PRH1: variants seen among roughly 807,000 people sequenced by gnomAD.
PRH1 encodes proline rich protein HaeIII subfamily 1, also known as salivary acidic proline-rich phosphoprotein 1/2.
Under a neutral mutation model 7.9 loss-of-function variants are expected in PRH1, and 7 were observed. The ratio of observed to expected loss-of-function variants is 0.89; its 90% CI spans 0.50 to 1.67. The LOEUF (loss-of-function observed/expected upper bound fraction) is 1.67, where lower values mean the gene tolerates loss of function less well. Among genes scored for constraint, PRH1 ranks in the 40% most tolerant of loss-of-function variants. PRH1 has a pLI of 0.00. For missense variants in PRH1, 109 were observed against 223.6 expected (o/e 0.49, Z 3.27); for synonymous variants, 45 against 80.8 (o/e 0.56, Z 2.38).
chr12:11,156,162 A>G (rs1384753656), intron 1 of PRH1, among the ~76,000 whole-genome samples: 2 of 152,086 alleles, frequency 1.3e-5, no homozygotes, highest in African/African-American at 4.8e-5. Context: ...AATGTCTGCT[A>G]CTCCTTTGAA....
chr12:11,067,402 T>C (rs1206459193), intron 1 of PRH1, among the ~76,000 whole-genome samples: 2 of 151,976 alleles, frequency 1.3e-5, no homozygotes, highest in East Asian at 3.9e-4. Context: ...TTCATGACTT[T>C]GTGACACTTT....
exon 2 of PRH1, chr12:11,121,111 C>T (rs2708338): frequency 5.2e-5 from 8 of 152,922 alleles, no homozygotes; most frequent in African/African-American, 1.9e-4. Flanking sequence ...AGAAGAAGTT[C>T]CAAGGTTTAT....
At chr12:11,067,771 G>C (rs1943889927) in intron 1 of PRH1, among the ~76,000 whole-genome samples, 1 of 152,182 alleles carries the variant, frequency 6.6e-6, no homozygotes, top group African/African-American at 2.4e-5. Flanking sequence ...GCTGAGATGG[G>C]AGAATTACTT....
rs146714419 is a variant in PRH1, at chr12:10,913,926, G to A, written c.-58-29651C>T. ...AACAAACAACAAAAACTTCTCCTACGTGGAGTCCCTGAGCTTTGGGGATCT... is the reference window on the plus strand; with the variant it reads ...AACAAACAACAAAAACTTCTCCTACATGGAGTCCCTGAGCTTTGGGGATCT... On this transcript the variant is annotated intron_variant, in intron 2 of 3. Coordinates refer to the PRH1 transcript ENST00000539853. Among the ~76,000 whole-genome samples the A allele has an allele frequency of 5.5e-3, 836 of 152,274 alleles. 15 individuals are homozygous for A. Among genetic ancestry groups the A allele is most frequent in the African/African-American group, 0.019 (794 of 41,548 alleles).
intron 1 of PRH1, among the ~76,000 whole-genome samples, chr12:11,137,333 A>G (rs1485094843): frequency 5.9e-5 from 9 of 152,220 alleles, no homozygotes; most frequent in Non-Finnish European, 1.2e-4. Context: ...TTTTATTCCC[A>G]TGGAAACAAA....
chr12:11,020,746 T>C (rs1249463927), intron 1 of PRH1, among the ~76,000 whole-genome samples: 9 of 131,720 alleles, frequency 6.8e-5, no homozygotes, highest in East Asian at 4.7e-4. Context: ...CCTCCTTTGA[T>C]TGGCCTGTTT....
At chr12:10,909,218 T>C in intron 2 of PRH1, 1 of 1,613,642 alleles carries the variant, frequency 6.2e-7, no homozygotes, top group Middle Eastern at 1.7e-4. Flanking sequence ...TGATCAGTAC[T>C]ATAAATCCAT....
rs576182140 is a variant in PRH1, at chr12:11,142,675, G to C, written n.40-21495C>G. Among the ~76,000 whole-genome samples, 57 of 152,186 alleles carry C rather than the reference G, an allele frequency of 3.7e-4. 1 individual carries two copies. Among genetic ancestry groups the C allele is most frequent in the African/African-American group, 1.3e-3 (54 of 41,532 alleles). ...GAATTTAATAATCAATTTCCCTAAG[G>C]TCAAGGATAAAGAAAGGATTCTAAA... On this transcript the variant is annotated intron_variant and non_coding_transcript_variant, in intron 1 of 1. Transcript: ENST00000541175.
At position 11,168,287 on chromosome 12, in the gene PRH1, AGAAAGAAAGAAAGAAGGAAG is replaced by A. The variant is rs1565725814; in HGVS notation, n.39+3115_39+3134del. ...AAGAAAGAAAGAAAGAAAGAAAGAA[AGAAAGAAAGAAAGAAGGAAG>A]GAAGGAAGGAAGGAAGGAAGGAAGG... On this transcript the variant is annotated intron_variant and non_coding_transcript_variant, in intron 1 of 1. Coordinates refer to the PRH1 transcript ENST00000541175. Among the ~76,000 whole-genome samples, 109 of 30,524 alleles carry A rather than the reference AGAAAGAAAGAAAGAAGGAAG, an allele frequency of 3.6e-3. 28 individuals are homozygous for A. Among genetic ancestry groups the A allele is most frequent in the South Asian group, 7.2e-3 (9 of 1,250 alleles). 20.0% of individuals were successfully genotyped at this position (30,524 alleles called of 152,430 possible).
At chr12:11,098,676 C>A (rs1446554528) in intron 1 of PRH1, among the ~76,000 whole-genome samples, 2 of 152,148 alleles carry the variant, frequency 1.3e-5, no homozygotes, top group South Asian at 2.1e-4. Flanking sequence ...TTTTAAAATG[C>A]CAGATTTGTA....
chr12:10,995,954 CTAGA>C (rs1285615686), intron 1 of PRH1, among the ~76,000 whole-genome samples: 1 of 151,928 alleles, frequency 6.6e-6, no homozygotes, highest in Non-Finnish European at 1.5e-5. Context: ...AAAATGTACA[CTAGA>C]TATATTTTTC....
chr12:11,140,630 C>T (rs1361837028), intron 1 of PRH1, among the ~76,000 whole-genome samples: 1 of 152,162 alleles, frequency 6.6e-6, no homozygotes, highest in African/African-American at 2.4e-5. Flanking sequence ...TATTCAAACA[C>T]AACATCCTTG....
intron 1 of PRH1, among the ~76,000 whole-genome samples, chr12:11,001,579 A>C (rs1940599498): frequency 1.3e-5 from 2 of 152,196 alleles, no homozygotes; most frequent in South Asian, 4.1e-4. Context: ...TCTGAAGCAA[A>C]GTGTGCTTGT....
chr12:10,984,789 C>T (rs548246997), intron 1 of PRH1, among the ~76,000 whole-genome samples: 2 of 151,926 alleles, frequency 1.3e-5, no homozygotes, highest in East Asian at 3.9e-4. Flanking sequence ...CTTGCTATTA[C>T]TGAATATATC....
At chr12:10,919,444 T>G (rs535755440) in intron 2 of PRH1, among the ~76,000 whole-genome samples, 57 of 152,310 alleles carry the variant, frequency 3.7e-4, no homozygotes, top group Non-Finnish European at 6.0e-4. Flanking sequence ...TATATTATTT[T>G]TATCAGCAAA....
At chr12:11,028,652 A>G (rs1260260718) in intron 1 of PRH1, among the ~76,000 whole-genome samples, 2 of 152,258 alleles carry the variant, frequency 1.3e-5, no homozygotes, top group African/African-American at 4.8e-5. Flanking sequence ...CATAATACAA[A>G]TAATTGACAA....
At chr12:11,127,728 T>C (rs1192528213) in intron 1 of PRH1, among the ~76,000 whole-genome samples, 2 of 152,298 alleles carry the variant, frequency 1.3e-5, no homozygotes, top group African/African-American at 4.8e-5. Context: ...TTTTCAATGT[T>C]TATCAAACTT....
intron 2 of PRH1, among the ~76,000 whole-genome samples, chr12:10,892,942 C>G (rs1949595626): frequency 6.6e-6 from 1 of 152,136 alleles, no homozygotes; most frequent in Non-Finnish European, 1.5e-5. Flanking sequence ...GATGTATGTG[C>G]AGAAATCAGA....
intron 1 of PRH1, among the ~76,000 whole-genome samples, chr12:11,149,298 C>G (rs1045226486): frequency 1.3e-5 from 2 of 152,142 alleles, no homozygotes; most frequent in African/African-American, 4.8e-5. Context: ...CAGTTCTGCT[C>G]TGATTTTAGT....
Sources: gnomAD v4.1 joint callset for allele counts (sites outside exome capture counted in the v4.1 genomes callset) on GRCh38, gnomAD v4.1.1 for gene constraint, MANE v1.5 for transcripts, NCBI Gene and HGNC (gene_info 2026-07-23, HGNC 2026-07-21) for gene names.